CADM3: variants seen among roughly 807,000 people sequenced by gnomAD.
The protein encoded by CADM3 is cell adhesion molecule 3, also known as TSLC1-like 1.
In CADM3, 11 loss-of-function variants were observed where a neutral mutation model predicts 44.9. The ratio of observed to expected loss-of-function variants is 0.25; its 90% CI spans 0.15 to 0.41. The LOEUF is 0.41. Ranked by LOEUF, CADM3 falls within the 10% of genes least tolerant of loss-of-function variation. The pLI is 1.00. For synonymous variants in CADM3, 207 were observed against 205.2 expected, an observed-to-expected ratio of 1.01 and a Z score of -0.08; for missense variants, 426 against 512.0, an observed-to-expected ratio of 0.83 and a Z score of 1.62.
At chr1:159,200,386 C>T (rs927347413) in intron 8 of CADM3, among the ~76,000 whole-genome samples, 4 of 152,132 alleles carry the variant, frequency 2.6e-5, no homozygotes, top group East Asian at 3.9e-4. Context: ...TTCTAGCCAG[C>T]GGCCTGACTC....
Position 159,196,901 on chromosome 1 carries a change from T to A in CADM3, c.793T>A (p.Tyr265Asn). ...EGRGNPVPQQ[Y>N]LWEKEGSVPP... ...TGTCTGCCTCGACAGCCCCCAGCAGTACCTATGGGAGAAGGAGGGCAGTGT... is the reference window on the plus strand; with the variant it reads ...TGTCTGCCTCGACAGCCCCCAGCAGAACCTATGGGAGAAGGAGGGCAGTGT... Residue 265 changes from tyrosine to asparagine, a missense_variant, in exon 7 of 9, where the codon TAC becomes AAC. Physicochemically the swap from Tyr to Asn is moderately radical, Grantham distance 143. This residue lies in a region of CADM3 where 362 missense variants were observed against 474.6 expected (regional missense o/e 0.76). Transcript: ENST00000368125. 1 of 1,613,902 alleles carries A rather than the reference T, an allele frequency of 6.2e-7. No homozygotes were observed. Among genetic ancestry groups the A allele is most frequent in the Non-Finnish European group, 8.5e-7 (1 of 1,179,924 alleles).
Position 159,191,797 on chromosome 1 carries a change from A to C in CADM3, c.89-139A>C, listed in dbSNP as rs534646314. 1.9e-5 allele frequency: 18 copies of C among 946,276 alleles called. 1 individual carries two copies. The South Asian group carries it at 3.0e-4, about 16-fold the overall frequency. The allele number at this position is 946,276 out of a possible 1,614,324, so 58.6% of individuals were successfully genotyped here. ...CACCACCACCTCTTTTCCTTCCCCC[A>C]TGAAACCTTACGGGTACACAGAGAC... On this transcript the variant is annotated intron_variant, in intron 1 of 8. Transcript: ENST00000368125.
At chr1:159,172,626 G>A (rs574967660) in intron 1 of CADM3, among the ~76,000 whole-genome samples, 1 of 152,316 alleles carries the variant, frequency 6.6e-6, no homozygotes, top group African/African-American at 2.4e-5. Context: ...GGATGCATGA[G>A]AAACCCAAAG....
At chr1:159,191,869 C>T in intron 1 of CADM3, 67 bp from the exon 2 acceptor site, 1 of 1,595,814 alleles carries the variant, frequency 6.3e-7, no homozygotes. Context: ...ATGAGGTGTA[C>T]TTTGGCTCAG....
intron 1 of CADM3, among the ~76,000 whole-genome samples, chr1:159,187,788 G>A (rs776561703): frequency 1.3e-5 from 2 of 151,968 alleles, no homozygotes; most frequent in African/African-American, 4.8e-5. Flanking sequence ...ACACACAACC[G>A]GAAAAACAAT....
intron 4 of CADM3, 152 bp downstream of exon 4, chr1:159,193,712 G>A (rs1178254208): frequency 2.9e-6 from 4 of 1,401,432 alleles, no homozygotes; most frequent in South Asian, 1.2e-5. Flanking sequence ...TGTGTGTGTT[G>A]GGGCCTACAT....
chr1:159,173,383 C>G (rs955821133), intron 1 of CADM3, among the ~76,000 whole-genome samples: 3 of 152,082 alleles, frequency 2.0e-5, no homozygotes, highest in African/African-American at 7.2e-5. Context: ...AGGAGCTTCC[C>G]CTGGTATGGG....
intron 1 of CADM3, among the ~76,000 whole-genome samples, chr1:159,178,109 A>G (rs1237443124): frequency 6.6e-6 from 1 of 152,194 alleles, no homozygotes; most frequent in Non-Finnish European, 1.5e-5. Context: ...CTATGTAAAT[A>G]GTTGTTTTAC....
At position 159,197,074 on chromosome 1, in the gene CADM3, A is replaced by T. The variant is rs777542788; in HGVS notation, c.952+14A>T. ...TCAATGTTAATGGTAAGCCCTCCTC[A>T]GTTCTCTTCCTCCAGAATCTCCTTT... On this transcript the variant is annotated intron_variant, in intron 7 of 8. Coordinates refer to ENST00000368125, the MANE Select transcript of CADM3 (RefSeq NM_001127173.3). 3.7e-6 allele frequency: 6 copies of T among 1,610,560 alleles called. No homozygotes were observed. In the African/African-American group the frequency reaches 6.7e-5, roughly 18 times the overall value.
At chr1:159,178,950 G>A (rs1323370012) in intron 1 of CADM3, among the ~76,000 whole-genome samples, 1 of 152,202 alleles carries the variant, frequency 6.6e-6, no homozygotes, top group Non-Finnish European at 1.5e-5. Context: ...CTTCCAGGAT[G>A]AATTTCCAGG....
chr1:159,189,876 A>C (rs1649580398), intron 1 of CADM3: 2 of 1,589,334 alleles, frequency 1.3e-6, no homozygotes, highest in African/African-American at 2.7e-5. Context: ...AGTCAAGGTG[A>C]GAATCCAGGC....
chr1:159,193,950 G>A lies in CADM3; in HGVS notation c.601G>A (p.Glu201Lys), dbSNP rs1649784951. 6.2e-7 allele frequency: 1 copy of A among 1,614,208 alleles called. No individual in the cohort carries two copies. Among genetic ancestry groups the A allele is most frequent in the Non-Finnish European group, 8.5e-7 (1 of 1,180,038 alleles). The change falls in exon 5 of 9, where the codon GAG (glutamate) becomes AAG (lysine). Residue 201 changes from glutamate (E) to lysine (K), a missense_variant. By Grantham distance (56) the Glu-to-Lys change is moderately conservative (BLOSUM62 1). Around this residue, in one of 2 missense-constraint regions of CADM3, gnomAD observed 362 missense variants for 474.6 expected, o/e 0.76. Transcript: ENST00000368125. ...SSSVTFQVTR[E>K]DDGASIVCSV... ...CTCGGTGACATTCCAGGTTACCCGG[G>A]AGGATGATGGGGCGAGCATCGTGTG...
intron 5 of CADM3, chr1:159,195,279 AG>A (rs1649841854): frequency 6.6e-6 from 1 of 152,198 alleles, no homozygotes; most frequent in Admixed American, 6.5e-5. Flanking sequence ...AGTTATTGTG[AG>A]GATAAATAAA....
chr1:159,197,744 A>C (rs1423879095), intron 7 of CADM3: 2 of 152,152 alleles, frequency 1.3e-5, no homozygotes, highest in African/African-American at 2.4e-5. Context: ...GTCCCGCCAG[A>C]AAGTCTTATC....
chr1:159,189,502 A>G (rs1380933948), intron 1 of CADM3, among the ~76,000 whole-genome samples: 1 of 152,186 alleles, frequency 6.6e-6, no homozygotes, highest in African/African-American at 2.4e-5. Flanking sequence ...ATGAACTCTT[A>G]AGATCTCTTT....
intron 1 of CADM3, among the ~76,000 whole-genome samples, chr1:159,185,549 C>T (rs998820445): frequency 1.3e-5 from 2 of 152,180 alleles, no homozygotes; most frequent in Non-Finnish European, 2.9e-5. Flanking sequence ...TTTCTTAACT[C>T]GGCTTTAACG....
intron 1 of CADM3, among the ~76,000 whole-genome samples, chr1:159,173,673 A>G (rs1435842127): frequency 1.3e-5 from 2 of 152,108 alleles, no homozygotes; most frequent in Non-Finnish European, 2.9e-5. Flanking sequence ...TTGACTTTCA[A>G]CTGCAGCCCC....
chr1:159,185,217 T>C (rs1015522163), intron 1 of CADM3, among the ~76,000 whole-genome samples: 10 of 152,096 alleles, frequency 6.6e-5, no homozygotes, highest in African/African-American at 2.4e-4. Context: ...GGCATCCAAG[T>C]AAAAATGTAC....
intron 1 of CADM3, among the ~76,000 whole-genome samples, chr1:159,180,607 C>CAGGG (rs1164501255): frequency 2.7e-5 from 4 of 150,128 alleles, no homozygotes. Flanking sequence ...GAGAAGAGTG[C>CAGGG]AGGGAGACTA....
Sources: allele counts gnomAD v4.1 joint callset (sites outside exome capture counted in the v4.1 genomes callset), GRCh38; gene constraint gnomAD v4.1.1; regional missense constraint gnomAD v4.1.1; transcripts MANE v1.5; gene names NCBI Gene and HGNC (gene_info 2026-07-23, HGNC 2026-07-21).